FKBP4: variants seen among roughly 807,000 people sequenced by gnomAD.
The protein encoded by FKBP4 is peptidyl-prolyl cis-trans isomerase FKBP4.
In FKBP4, 28 loss-of-function variants were observed where a neutral mutation model predicts 54.1. The ratio of observed to expected loss-of-function variants is 0.52; its 90% confidence interval spans 0.38 to 0.71. FKBP4 has a LOEUF of 0.71. Ranked by LOEUF, FKBP4 falls within the 30% of genes least tolerant of loss-of-function variation. The pLI, the probability that FKBP4 is intolerant of heterozygous loss-of-function variation, is 0.00. For missense variants in FKBP4, 493 were observed against 574.4 expected (o/e 0.86, Z 1.45); for synonymous variants, 223 against 216.1 (o/e 1.03, Z -0.28).
At chr12:2,796,537 A>C (rs2097901962) in intron 1 of FKBP4, 1 of 1,192,112 alleles carries the variant, frequency 8.4e-7, no homozygotes, top group East Asian at 5.8e-5. Flanking sequence ...CCCTGGACTA[A>C]CTACCAGAGG....
rs1164500633 is a variant in FKBP4, at chr12:2,803,317, C to T, written c.*59C>T. 11 of 1,216,452 alleles carry T rather than the reference C, an allele frequency of 9.0e-6. No individual in the cohort carries two copies. In the Admixed American group the frequency reaches 2.3e-4, roughly 25 times the overall value. The allele number at this position is 1,216,452 out of a possible 1,614,324, so 75.4% of individuals were successfully genotyped here. The stretch of plus-strand genomic sequence containing the variant: ...TGCCCCCCAGTCTCCCCACTCCACC[C>T]TGTTAGTTTTGTAAAAACTGAAGAA... On this transcript the variant is annotated 3_prime_UTR_variant, in exon 10 of 10. Coordinates refer to ENST00000001008, the MANE Select transcript of FKBP4 (RefSeq NM_002014.4).
At chr12:2,796,538 C>T in intron 1 of FKBP4, 1 of 1,192,164 alleles carries the variant, frequency 8.4e-7, no homozygotes, top group South Asian at 1.6e-5. Context: ...CCTGGACTAA[C>T]TACCAGAGGA....
In FKBP4 at chr12:2,800,116, C is replaced by T. The variant is rs1254930575; in HGVS notation, c.840C>T (p.Tyr280=). 6 of 1,613,020 alleles carry T rather than the reference C, an allele frequency of 3.7e-6. No individual in the cohort carries two copies. The highest frequency in any genetic ancestry group is 1.7e-5 in the Admixed American group (1 of 60,008). ...TAGTGAAAGAGCGGGGCACTGTGTA[C>T]TTCAAGGTGAGCCAACAGTCATTGT... ...STIVKERGTV[Y]FKEGKYKQAL... Residue 280 remains tyrosine, a synonymous_variant, in exon 7 of 10, where the codon TAC becomes TAT. Coordinates refer to ENST00000001008, the MANE Select transcript of FKBP4 (RefSeq NM_002014.4).
intron 1 of FKBP4, chr12:2,796,223 G>C (rs1243324489): frequency 2.0e-5 from 26 of 1,289,030 alleles, no homozygotes; most frequent in Admixed American, 4.6e-5. Flanking sequence ...CCACCTCAGG[G>C]GGCCTTTACC....
In FKBP4 at chr12:2,804,857, G is replaced by A. The variant is rs563209035; in HGVS notation, c.*1599G>A. The A allele has an allele frequency of 3.3e-5, 6 of 181,824 alleles. No homozygotes were observed. Among genetic ancestry groups the A allele is most frequent in the African/African-American group, 1.4e-4 (6 of 42,020 alleles). 11.3% of individuals were successfully genotyped at this position (181,824 alleles called of 1,614,324 possible). On this transcript the variant is annotated 3_prime_UTR_variant, in exon 10 of 10. Transcript: ENST00000001008. Reference sequence around the variant, plus strand: ...TTGAGCCCAAGACACCAAGGATGCAGAGAACTGTGACTGTGCCACTGCACG... The same window carrying A: ...TTGAGCCCAAGACACCAAGGATGCAAAGAACTGTGACTGTGCCACTGCACG...
rs1452603698 is a variant in FKBP4 at position 2,796,148 on chromosome 12, T to G, written c.105+904T>G. 3 of 1,260,462 alleles carry G rather than the reference T, an allele frequency of 2.4e-6. No individual in the cohort carries two copies. The East Asian group carries it at 1.7e-4, about 71-fold the overall frequency. 78.1% of individuals were successfully genotyped at this position (1,260,462 alleles called of 1,614,324 possible). Reference sequence around the variant, plus strand: ...GAATTCCCAGCCTGCGTCTTATGCCTTCTCCCCATCCGCTGCTGCGTCCTC... The same window carrying G: ...GAATTCCCAGCCTGCGTCTTATGCCGTCTCCCCATCCGCTGCTGCGTCCTC... On this transcript the variant is annotated intron_variant, in intron 1 of 9. Coordinates refer to ENST00000001008, the MANE Select transcript of FKBP4 (RefSeq NM_002014.4).
At chr12:2,801,656 A>T (rs1381194829) in intron 9 of FKBP4, 2 of 508,418 alleles carry the variant, frequency 3.9e-6, no homozygotes, top group Non-Finnish European at 7.6e-6. Flanking sequence ...TGCAGAGCCA[A>T]AGTGGGAGGA....
intron 1 of FKBP4, 57 bp from the exon 2 acceptor site, chr12:2,797,081 T>C: frequency 6.2e-7 from 1 of 1,605,336 alleles, no homozygotes; most frequent in Non-Finnish European, 8.5e-7. Flanking sequence ...CAGGCAGTGC[T>C]GGTGCCCCTT....
chr12:2,802,412 G>A (rs528839312), intron 9 of FKBP4, among the ~76,000 whole-genome samples: 1 of 152,306 alleles, frequency 6.6e-6, no homozygotes, highest in South Asian at 2.1e-4. Flanking sequence ...GGGATTACAG[G>A]TGTGAGCCAC....
rs919029847 is a variant in FKBP4 at position 2,803,508 on chromosome 12, C to T, written c.*250C>T. 1 of 443,710 alleles carries T rather than the reference C, an allele frequency of 2.3e-6. No individual in the cohort carries two copies. The highest frequency in any genetic ancestry group is 3.4e-5 in the Admixed American group (1 of 29,710). The allele number at this position is 443,710 out of a possible 1,614,324, so 27.5% of individuals were successfully genotyped here. Reference sequence around the variant, plus strand: ...GAACATATGTCCATCCATATATATTCATCAGAATGTTAATTTATTTTGCTC... The same window carrying T: ...GAACATATGTCCATCCATATATATTTATCAGAATGTTAATTTATTTTGCTC... On this transcript the variant is annotated 3_prime_UTR_variant, in exon 10 of 10. Coordinates refer to ENST00000001008, the MANE Select transcript of FKBP4 (RefSeq NM_002014.4).
chr12:2,802,157 G>C (rs1019622736), intron 9 of FKBP4, among the ~76,000 whole-genome samples: 3 of 151,720 alleles, frequency 2.0e-5, no homozygotes, highest in Non-Finnish European at 2.9e-5. Flanking sequence ...CTTTTTCTGA[G>C]ACAGAGTTTC....
rs372496355 is a variant in FKBP4 at position 2,800,382 on chromosome 12, C to G, written c.847-10C>G. 4.9e-5 allele frequency: 78 copies of G among 1,603,660 alleles called. No individual in the cohort carries two copies. Among genetic ancestry groups the G allele is most frequent in the Non-Finnish European group, 5.7e-5 (67 of 1,174,608 alleles). On this transcript the variant is annotated splice_polypyrimidine_tract_variant and intron_variant, in intron 7 of 9. Transcript: ENST00000001008. ...CTGTGCCAGGTGCCTGAGCCTCTCT[C>G]CCATTCCAGGAAGGTAAATACAAGC...
In FKBP4 at chr12:2,804,853, T is replaced by A. The variant is rs2097906673; in HGVS notation, c.*1595T>A. ...TCCCTTGAGCCCAAGACACCAAGGA[T>A]GCAGAGAACTGTGACTGTGCCACTG... On this transcript the variant is annotated 3_prime_UTR_variant, in exon 10 of 10. Transcript: ENST00000001008. 5.5e-6 allele frequency: 1 copy of A among 180,786 alleles called. No homozygotes were observed. The highest frequency in any genetic ancestry group is 6.2e-5 in the Admixed American group (1 of 16,028). The allele number at this position is 180,786 out of a possible 1,614,324, so 11.2% of individuals were successfully genotyped here.
Position 2,800,106 on chromosome 12 carries a change from G to GC in FKBP4, c.831dup (p.Thr278HisfsTer8). ...CAGAGCACCATAGTGAAAGAGCGGG[G>GC]CACTGTGTACTTCAAGGTGAGCCAA... On this transcript the variant is annotated frameshift_variant, in exon 7 of 10. Transcript: ENST00000001008. LOFTEE classifies it high-confidence loss of function. 1 of 1,613,402 alleles carries GC rather than the reference G, an allele frequency of 6.2e-7. No individual in the cohort carries two copies. The highest frequency in any genetic ancestry group is 8.5e-7 in the Non-Finnish European group (1 of 1,180,018).
chr12:2,796,412 C>G (rs1008572403), intron 1 of FKBP4: 1 of 1,285,460 alleles, frequency 7.8e-7, no homozygotes, highest in Non-Finnish European at 1.0e-6. Context: ...TCCCTTTTAC[C>G]TTTCTACTCC....
rs142587247 is a variant in FKBP4, at chr12:2,797,166, A to C, written c.134A>C (p.Glu45Ala). ...ATCAAGAGAGAGGGCACAGGTACAG[A>C]GATGCCCATGATTGGGGACCGAGTC... ...KVIKREGTGTEMPMIGDRVFV... is the reference protein window; with the variant it reads ...KVIKREGTGTAMPMIGDRVFV... Residue 45 changes from glutamate to alanine, a missense_variant, in exon 2 of 10, where the codon GAG becomes GCG. By Grantham distance (107) the Glu-to-Ala change is moderately radical. Coordinates refer to ENST00000001008, the MANE Select transcript of FKBP4 (RefSeq NM_002014.4). 2.6e-4 allele frequency: 425 copies of C among 1,613,158 alleles called. No individual in the cohort carries two copies. In the African/African-American group the frequency reaches 5.0e-3, roughly 19 times the overall value.
chr12:2,795,043 C>T lies in FKBP4; in HGVS notation c.-97C>T, dbSNP rs560486824. 1.2e-5 allele frequency: 8 copies of T among 672,048 alleles called. No homozygotes were observed. The highest frequency in any genetic ancestry group is 4.9e-4 in the Middle Eastern group (1 of 2,034). 41.6% of individuals were successfully genotyped at this position (672,048 alleles called of 1,614,324 possible). On this transcript the variant is annotated 5_prime_UTR_variant, in exon 1 of 10. Coordinates refer to ENST00000001008, the MANE Select transcript of FKBP4 (RefSeq NM_002014.4). The surrounding 1 kb of genome is among the most constrained non-coding windows in gnomAD (Gnocchi z 4.3). ...GGTCCGCAGTCAGTGCCGCCGCGCC[C>T]GGCCTCCCGCACGCCCCGCAGGTAG...
chr12:2,799,963 C>G, intron 6 of FKBP4, 23 bp downstream of exon 6: 1 of 1,613,206 alleles, frequency 6.2e-7, no homozygotes, highest in Non-Finnish European at 8.5e-7. Flanking sequence ...AGGGTCTTCC[C>G]ATCTAAAGTC....
At chr12:2,796,572 T>G in intron 1 of FKBP4, 1 of 1,185,386 alleles carries the variant, frequency 8.4e-7, no homozygotes, top group Non-Finnish European at 1.1e-6. Context: ...AAGTCAGAGT[T>G]TAAGGTCCCA....
Sources: allele counts gnomAD v4.1 joint callset (sites outside exome capture counted in the v4.1 genomes callset), GRCh38; gene constraint gnomAD v4.1.1; non-coding constraint Gnocchi (gnomAD v3.1); transcripts MANE v1.5; gene names NCBI Gene and HGNC (gene_info 2026-07-23, HGNC 2026-07-21).